PCDH15: variants seen among roughly 807,000 people sequenced by gnomAD.
PCDH15 encodes protocadherin-15.
PCDH15 carries 129 observed loss-of-function variants against 178.5 expected under a neutral mutation model. The ratio of observed to expected loss-of-function variants is 0.72; its 90% CI spans 0.63 to 0.84. PCDH15 has a LOEUF of 0.84. PCDH15 is among the 40% of genes least tolerant of loss of function. PCDH15 has a pLI of 0.00. For missense variants in PCDH15, 2,230 were observed against 2,099.9 expected (o/e 1.06, Z -1.21); for synonymous variants, 800 against 732.0 (o/e 1.09, Z -1.50).
chr10:53,849,570 A>G (rs543932194), intron 28 of PCDH15, among the ~76,000 whole-genome samples: 110 of 152,276 alleles, frequency 7.2e-4, no homozygotes, highest in African/African-American at 2.4e-3. Flanking sequence ...TTATAGAAAA[A>G]TATGTACAAA....
intron 2 of PCDH15, among the ~76,000 whole-genome samples, chr10:55,358,821 T>A (rs2131975691): frequency 6.6e-6 from 1 of 152,258 alleles, no homozygotes; most frequent in African/African-American, 2.4e-5. Flanking sequence ...ATTAGTTTGC[T>A]TTTCGTAATA....
At chr10:54,687,874 T>C (rs2095042310) in intron 1 of PCDH15, among the ~76,000 whole-genome samples, 1 of 151,982 alleles carries the variant, frequency 6.6e-6, no homozygotes, top group African/African-American at 2.4e-5. Context: ...CTTAACATCT[T>C]TAAGAAAATT....
intron 2 of PCDH15, among the ~76,000 whole-genome samples, chr10:55,376,141 GTTC>G (rs1290445687): frequency 6.6e-6 from 1 of 151,706 alleles, no homozygotes; most frequent in Non-Finnish European, 1.5e-5. Flanking sequence ...CACCTTTCCT[GTTC>G]TTCATCTGCA....
At chr10:55,300,790 C>T (rs1393567791) in intron 1 of PCDH15, among the ~76,000 whole-genome samples, 2 of 152,232 alleles carry the variant, frequency 1.3e-5, no homozygotes, top group African/African-American at 4.8e-5. Flanking sequence ...CTTCAAATGT[C>T]AATTTAAAAA....
rs144705708 is a variant in PCDH15, at chr10:53,912,548, T to C, written c.3374-9178A>G. Among the ~76,000 whole-genome samples the C allele has an allele frequency of 5.8e-3, 883 of 152,288 alleles. 12 individuals carry two copies. Among genetic ancestry groups the C allele is most frequent in the African/African-American group, 0.021 (856 of 41,556 alleles). On this transcript the variant is annotated intron_variant, in intron 25 of 37. Coordinates refer to ENST00000644397, the MANE Select transcript of PCDH15 (RefSeq NM_001384140.1). ...ATGATTGTATATTTAGAAAACCCCA[T>C]TGTCTCGGCCCAAAATCTCCTTCAA... is the stretch of plus-strand genomic sequence containing the variant.
At chr10:54,000,023 C>G (rs1393666063) in intron 20 of PCDH15, among the ~76,000 whole-genome samples, 1 of 152,038 alleles carries the variant, frequency 6.6e-6, no homozygotes, top group Non-Finnish European at 1.5e-5. Flanking sequence ...TGGGAGAGAG[C>G]AAGGGAAAAG....
At chr10:54,040,696 A>G (rs528599971) in intron 18 of PCDH15, among the ~76,000 whole-genome samples, 54 of 152,144 alleles carry the variant, frequency 3.5e-4, no homozygotes, top group Middle Eastern at 3.4e-3. Context: ...ATTTTACAAA[A>G]GCATGGCCTG....
chr10:53,820,440 C>T (rs766257886), intron 32 of PCDH15, among the ~76,000 whole-genome samples: 6 of 151,978 alleles, frequency 3.9e-5, no homozygotes, highest in African/African-American at 7.2e-5. Flanking sequence ...TCTGAAATAA[C>T]GCATTGAAGG....
chr10:55,575,442 G>A (rs1842478539), intron 2 of PCDH15, among the ~76,000 whole-genome samples: 1 of 152,098 alleles, frequency 6.6e-6, no homozygotes, highest in African/African-American at 2.4e-5. Flanking sequence ...TGTTTGAGGT[G>A]GGGACAATAG....
intron 3 of PCDH15, among the ~76,000 whole-genome samples, chr10:54,846,693 A>C (rs1953524938): frequency 6.6e-6 from 1 of 152,092 alleles, no homozygotes; most frequent in Non-Finnish European, 1.5e-5. Context: ...ATATATTGTC[A>C]CTGCTAATGA....
At chr10:53,952,443 T>C (rs1054742435) in intron 23 of PCDH15, among the ~76,000 whole-genome samples, 1 of 152,186 alleles carries the variant, frequency 6.6e-6, no homozygotes, top group Non-Finnish European at 1.5e-5. Flanking sequence ...AAGCAGGTTG[T>C]CCTGATGTCT....
At chr10:54,892,198 A>G (rs1047066848) in intron 3 of PCDH15, among the ~76,000 whole-genome samples, 3 of 152,080 alleles carry the variant, frequency 2.0e-5, no homozygotes, top group Non-Finnish European at 2.9e-5. Context: ...TCAATTATAT[A>G]ATTGGATTTA....
intron 2 of PCDH15, among the ~76,000 whole-genome samples, chr10:55,347,598 T>C (rs750227053): frequency 6.6e-6 from 1 of 152,198 alleles, no homozygotes; most frequent in Non-Finnish European, 1.5e-5. Context: ...TTCTATTTCA[T>C]GTAAATTAAT....
intron 1 of PCDH15, among the ~76,000 whole-genome samples, chr10:54,724,607 T>C (rs1313186263): frequency 6.6e-6 from 1 of 151,576 alleles, no homozygotes; most frequent in East Asian, 1.9e-4. Context: ...TATGTTAATT[T>C]TGTATGGTGC....
intron 2 of PCDH15, among the ~76,000 whole-genome samples, chr10:55,503,895 G>A (rs1840707716): frequency 6.6e-6 from 1 of 151,260 alleles, no homozygotes; most frequent in Non-Finnish European, 1.5e-5. Context: ...CGCGACCAAG[G>A]ACCTTGGTAT....
At chr10:55,263,134 T>A (rs144633436) in intron 1 of PCDH15, among the ~76,000 whole-genome samples, 21 of 152,198 alleles carry the variant, frequency 1.4e-4, no homozygotes, top group Middle Eastern at 3.4e-3. Context: ...ATAGAATCAG[T>A]CTCTGTTGTA....
At chr10:54,917,892 G>A (rs567905166) in intron 2 of PCDH15, among the ~76,000 whole-genome samples, 10 of 152,170 alleles carry the variant, frequency 6.6e-5, no homozygotes, top group South Asian at 2.1e-4. Context: ...TGTTGGTGGA[G>A]GATATCAATA....
chr10:55,406,103 A>T (rs888536037), intron 2 of PCDH15, among the ~76,000 whole-genome samples: 1 of 151,828 alleles, frequency 6.6e-6, no homozygotes, highest in Non-Finnish European at 1.5e-5. Context: ...AGAGTACCCA[A>T]ATATGTTCAT....
intron 8 of PCDH15, among the ~76,000 whole-genome samples, chr10:54,255,772 G>C (rs2056850232): frequency 6.6e-6 from 1 of 152,028 alleles, no homozygotes; most frequent in Admixed American, 6.6e-5. Context: ...ATCTCACAGA[G>C]CCTATACTCT....
Sources: gnomAD v4.1 joint callset for allele counts (sites outside exome capture counted in the v4.1 genomes callset) on GRCh38, gnomAD v4.1.1 for gene constraint, MANE v1.5 for transcripts, NCBI Gene and HGNC (gene_info 2026-07-23, HGNC 2026-07-21) for gene names.